The following ANKFN1 variants were observed in gnomAD, a reference collection of about 807,000 sequenced individuals.
ANKFN1 encodes the protein ankyrin repeat and fibronectin type III domain containing 1.
Under a neutral mutation model 108.7 loss-of-function variants are expected in ANKFN1, and 74 were observed. That is an observed-to-expected ratio of 0.68 (90% CI 0.56 to 0.83). The LOEUF (loss-of-function observed/expected upper bound fraction) is 0.83, where lower values mean the gene tolerates loss of function less well. Ranked by LOEUF, ANKFN1 falls within the 40% of genes least tolerant of loss-of-function variation. The probability of loss-of-function intolerance (pLI) is 0.00; values close to 1 mark genes in which losing one functional copy is unlikely to be tolerated. For synonymous variants in ANKFN1, 547 were observed against 516.2 expected, an observed-to-expected ratio of 1.06 and a Z score of -0.81; for missense variants, 1,505 against 1,382.3, an observed-to-expected ratio of 1.09 and a Z score of -1.41.
At chr17:56,092,098 C>A (rs370245744) in intron 4 of ANKFN1, among the ~76,000 whole-genome samples, 2 of 151,150 alleles carry the variant, frequency 1.3e-5, no homozygotes, top group African/African-American at 2.4e-5. Flanking sequence ...AACAATGTAG[C>A]CTTTCTGCAC....
At chr17:56,201,781 C>A (rs945335783) in intron 1 of ANKFN1, among the ~76,000 whole-genome samples, 1 of 152,122 alleles carries the variant, frequency 6.6e-6, no homozygotes, top group Non-Finnish European at 1.5e-5. Flanking sequence ...ACTACTCTAG[C>A]GTTTTTAACA....
rs201280093 is a variant in ANKFN1 at position 56,515,524 on chromosome 17, T to A, written c.*4255T>A. ...AAAACTGTTTTCTTTGCTGGTCACC[T>A]CTCATAAGATGTTCAAACACATGGC... On this transcript the variant is annotated 3_prime_UTR_variant, in exon 21 of 21. Transcript: ENST00000682825. 2.6e-5 allele frequency among the ~76,000 whole-genome samples: 4 copies of A among 152,332 alleles called. No individual in the cohort carries two copies. In the East Asian group the frequency reaches 7.7e-4, roughly 29 times the overall value.
chr17:56,460,677 TAA>T (rs532028063), intron 14 of ANKFN1, among the ~76,000 whole-genome samples: 131 of 151,624 alleles, frequency 8.6e-4, no homozygotes, highest in African/African-American at 2.9e-3. Flanking sequence ...TTTCAGAAGG[TAA>T]AGTCTCACAT....
At chr17:56,053,591 T>C (rs770936740) in intron 4 of ANKFN1, among the ~76,000 whole-genome samples, 5 of 152,214 alleles carry the variant, frequency 3.3e-5, no homozygotes, top group Non-Finnish European at 5.9e-5. Flanking sequence ...TCTTGGCTAT[T>C]GTGAACAGAG....
At chr17:56,119,669 T>C (rs1413080584) in intron 4 of ANKFN1, among the ~76,000 whole-genome samples, 1 of 152,182 alleles carries the variant, frequency 6.6e-6, no homozygotes, top group Non-Finnish European at 1.5e-5. Context: ...TGATTTATGT[T>C]CCAAGTTCAA....
chr17:56,082,990 A>G (rs1191870904), intron 4 of ANKFN1, among the ~76,000 whole-genome samples: 2 of 151,372 alleles, frequency 1.3e-5, no homozygotes, highest in Non-Finnish European at 3.0e-5. Context: ...CAAATATAGG[A>G]AATTTCCTGT....
At chr17:56,068,576 A>G (rs1383414779) in intron 4 of ANKFN1, among the ~76,000 whole-genome samples, 4 of 152,210 alleles carry the variant, frequency 2.6e-5, no homozygotes, top group Non-Finnish European at 5.9e-5. Context: ...AGCAGGTGGA[A>G]GAAGGTAGTG....
chr17:56,225,085 C>G (rs976878212), intron 2 of ANKFN1: 9 of 152,054 alleles, frequency 5.9e-5, no homozygotes, highest in African/African-American at 2.2e-4. Context: ...TCTTAAAGAC[C>G]CTTGTGTGGT....
rs1483767591 is a variant in ANKFN1 at position 56,219,072 on chromosome 17, A to AGT, written c.12+6393_12+6394insGT. On this transcript the variant is annotated intron_variant, in intron 2 of 20. Coordinates refer to ENST00000682825, the MANE Select transcript of ANKFN1 (RefSeq NM_001370326.1). ...CTGACTACAAATGCCTCAATAATAAAATAATCACCGTGTTTTTATCAGCAT... is the reference window on the plus strand; with the variant it reads ...CTGACTACAAATGCCTCAATAATAAAGTATAATCACCGTGTTTTTATCAGCAT... 3.2e-3 allele frequency among the ~76,000 whole-genome samples: 482 copies of AGT among 152,254 alleles called. 3 individuals are homozygous for AGT. The highest frequency in any genetic ancestry group is 0.02 in the Middle Eastern group (6 of 294).
At chr17:56,430,606 A>T (rs927350080) in intron 8 of ANKFN1, among the ~76,000 whole-genome samples, 2 of 151,986 alleles carry the variant, frequency 1.3e-5, no homozygotes, top group East Asian at 3.9e-4. Context: ...TATGTATATG[A>T]ATATCACAAC....
intron 4 of ANKFN1, among the ~76,000 whole-genome samples, chr17:56,115,277 G>A (rs1906195138): frequency 1.3e-5 from 2 of 152,098 alleles, no homozygotes; most frequent in Admixed American, 1.3e-4. Context: ...TTGTATTGAT[G>A]AACAATTGCA....
At chr17:56,357,080 T>C (rs149533758) in intron 6 of ANKFN1, among the ~76,000 whole-genome samples, 1 of 152,274 alleles carries the variant, frequency 6.6e-6, no homozygotes, top group East Asian at 1.9e-4. Flanking sequence ...TCTGGGATGA[T>C]AGCCATGTTA....
chr17:56,477,320 G>A (rs1174737378), intron 15 of ANKFN1, among the ~76,000 whole-genome samples, 168 bp from the exon 16 acceptor site: 1 of 152,134 alleles, frequency 6.6e-6, no homozygotes, highest in Non-Finnish European at 1.5e-5. Flanking sequence ...AAGAGTAGCT[G>A]TACCACTATT....
intron 4 of ANKFN1, among the ~76,000 whole-genome samples, chr17:56,119,209 T>A (rs905318705): frequency 2.6e-5 from 4 of 152,048 alleles, no homozygotes; most frequent in Non-Finnish European, 5.9e-5. Flanking sequence ...AAAAAAATGA[T>A]GTGATAAGAC....
Position 56,457,244 on chromosome 17 carries a change from T to G in ANKFN1, c.1308-13T>G. The G allele has an allele frequency of 6.5e-7, 1 of 1,544,422 alleles. No homozygotes were observed. Among genetic ancestry groups the G allele is most frequent in the Non-Finnish European group, 8.7e-7 (1 of 1,149,022 alleles). On this transcript the variant is annotated splice_polypyrimidine_tract_variant and intron_variant, in intron 12 of 20. Coordinates refer to ENST00000682825, the MANE Select transcript of ANKFN1 (RefSeq NM_001370326.1). ...GTTGAGGACAATGCTTTTATTTTCCTTTTTCTTTTTAGGGGACTCTACATA... is the reference window on the plus strand; with the variant it reads ...GTTGAGGACAATGCTTTTATTTTCCGTTTTCTTTTTAGGGGACTCTACATA...
intron 8 of ANKFN1, among the ~76,000 whole-genome samples, chr17:56,377,329 T>C (rs2046971932): frequency 6.6e-6 from 1 of 152,218 alleles, no homozygotes; most frequent in South Asian, 2.1e-4. Context: ...GCATCACTTT[T>C]TAAGTTTTCT....
At chr17:56,277,604 G>C (rs936759617) in intron 3 of ANKFN1, among the ~76,000 whole-genome samples, 3 of 151,910 alleles carry the variant, frequency 2.0e-5, no homozygotes. Flanking sequence ...TTAAAAAACT[G>C]GTGTACAAAG....
chr17:56,428,301 A>G (rs1251607256), intron 8 of ANKFN1, among the ~76,000 whole-genome samples: 2 of 151,914 alleles, frequency 1.3e-5, no homozygotes, highest in African/African-American at 2.4e-5. Flanking sequence ...ATATTAATAG[A>G]TGGTCTCCCA....
chr17:56,228,632 A>G (rs898691696), intron 3 of ANKFN1: 3 of 152,090 alleles, frequency 2.0e-5, no homozygotes, highest in Non-Finnish European at 4.4e-5. Context: ...AAGGAAAAAA[A>G]GAAAGTTTCA....
Sources: allele counts gnomAD v4.1 joint callset (sites outside exome capture counted in the v4.1 genomes callset), GRCh38; gene constraint gnomAD v4.1.1; transcripts MANE v1.5; gene names NCBI Gene and HGNC (gene_info 2026-07-23, HGNC 2026-07-21).